The following ZNF335 variants were observed in gnomAD, a reference collection of about 807,000 sequenced individuals.
ZNF335 encodes the protein NRC-interacting factor 1.
In ZNF335, 84 loss-of-function variants were observed where a neutral mutation model predicts 145.6. The observed-to-expected ratio is 0.58, with a 90% CI of 0.48 to 0.69. The LOEUF (loss-of-function observed/expected upper bound fraction) is 0.69, where lower values mean the gene tolerates loss of function less well. ZNF335 is among the 30% of genes least tolerant of loss of function. The pLI, the probability that ZNF335 is intolerant of heterozygous loss-of-function variation, is 0.00. For missense variants in ZNF335, 1,865 were observed against 1,809.7 expected, an observed-to-expected ratio of 1.03 and a Z score of -0.55; for synonymous variants, 761 against 717.0, an observed-to-expected ratio of 1.06 and a Z score of -0.98.
At position 45,949,047 on chromosome 20, in the gene ZNF335, C is replaced by G; in HGVS notation, c.3935G>C (p.Gly1312Ala). The part of the protein sequence containing the change: ...VADAAMAQAQ[G>A]LFGTDETVPE... ...CACTGTCTCGTCTGTACCAAACAGG[C>G]CCTGGGCTTGGGCCATGGCAGCATC... Residue 1312 changes from glycine (G) to alanine (A), a missense_variant, in exon 28 of 28, where the codon GGC becomes GCC. Coordinates refer to ENST00000322927, the MANE Select transcript of ZNF335 (RefSeq NM_022095.4). 2 of 1,613,842 alleles carry G rather than the reference C, an allele frequency of 1.2e-6. No individual in the cohort carries two copies. Among genetic ancestry groups the G allele is most frequent in the Non-Finnish European group, 1.7e-6 (2 of 1,180,020 alleles).
intron 12 of ZNF335, 27 bp from the exon 13 acceptor site, chr20:45,960,552 G>A (rs1291941697): frequency 1.9e-6 from 3 of 1,614,020 alleles, no homozygotes; most frequent in Non-Finnish European, 2.5e-6. Context: ...GCAGTGAGAT[G>A]GCGATCACCC....
At chr20:45,968,458 GGTC>G in intron 3 of ZNF335, 96 bp from the exon 4 acceptor site, 14 of 1,136,060 alleles carry the variant, frequency 1.2e-5, no homozygotes, top group Non-Finnish European at 1.6e-5. Context: ...GAGCAGGGCT[GGTC>G]CACACTCATT....
At chr20:45,962,322 C>T (rs780984011) in intron 9 of ZNF335, 140 bp from the exon 10 acceptor site, 31 of 673,180 alleles carry the variant, frequency 4.6e-5, no homozygotes, top group African/African-American at 1.8e-4. Flanking sequence ...CACACCCCGA[C>T]GCAAGGGTCA....
rs770820151 is a variant in ZNF335 at position 45,971,301 on chromosome 20, G to A, written c.110C>T (p.Ala37Val). 5 of 1,591,716 alleles carry A rather than the reference G, an allele frequency of 3.1e-6. No homozygotes were observed. In the South Asian group the frequency reaches 5.6e-5, roughly 18 times the overall value. ...LGVGTSEAVS[A>V]DSSDAAAAPG... Reference sequence around the variant, plus strand: ...GGCGGCCGCGGCGTCGCTGCTGTCGGCGGACACGGCTTCTGAGGTGCCCAC... The same window carrying A: ...GGCGGCCGCGGCGTCGCTGCTGTCGACGGACACGGCTTCTGAGGTGCCCAC... The change falls in exon 2 of 28, where the codon GCC becomes GTC. Residue 37 changes from alanine to valine, a missense_variant. By Grantham distance (64) the Ala-to-Val change is moderately conservative. Coordinates refer to ENST00000322927, the MANE Select transcript of ZNF335 (RefSeq NM_022095.4).
chr20:45,950,448 C>T lies in ZNF335; in HGVS notation c.3332+5G>A. 1 of 1,614,210 alleles carries T rather than the reference C, an allele frequency of 6.2e-7. No individual in the cohort carries two copies. The highest frequency in any genetic ancestry group is 8.5e-7 in the Non-Finnish European group (1 of 1,180,024). On this transcript the variant is annotated splice_donor_5th_base_variant and intron_variant, in intron 21 of 27. Transcript: ENST00000322927. Reference sequence around the variant, plus strand: ...CAGTCCCCACCCACCAGTATCTGGCCTCACCGCTGCCCGCAGAGGTGGCAT... The same window carrying T: ...CAGTCCCCACCCACCAGTATCTGGCTTCACCGCTGCCCGCAGAGGTGGCAT...
chr20:45,962,492 A>G (rs1446026053), intron 9 of ZNF335, among the ~76,000 whole-genome samples: 1 of 152,206 alleles, frequency 6.6e-6, no homozygotes, highest in Non-Finnish European at 1.5e-5. Flanking sequence ...ATGGCGCCGC[A>G]GCCTCCACCT....
intron 10 of ZNF335, 40 bp downstream of exon 10, chr20:45,962,030 T>C: frequency 6.2e-6 from 4 of 643,946 alleles, no homozygotes; most frequent in Non-Finnish European, 1.2e-5. Flanking sequence ...CCACCCAACC[T>C]GGCCTCTCTT....
At position 45,963,746 on chromosome 20, in the gene ZNF335, T is replaced by C; in HGVS notation, c.1347A>G (p.Lys449=). 1 of 1,614,094 alleles carries C rather than the reference T, an allele frequency of 6.2e-7. No individual in the cohort carries two copies. Among genetic ancestry groups the C allele is most frequent in the Non-Finnish European group, 8.5e-7 (1 of 1,179,980 alleles). The change falls in exon 8 of 28, where the codon AAA becomes AAG. Residue 449 remains lysine (K), a synonymous_variant. Transcript: ENST00000322927. ...GRPSRRFLGK[K]YRKYYYKSPK... ...ACCTCTGCTCCACATACTTGCGGTA[T>C]TTCTTGCCTAGGAAGCGCCTGGAAG...
At position 45,950,420 on chromosome 20, in the gene ZNF335, C is replaced by G. The variant is rs765837695; in HGVS notation, c.3332+33G>C. On this transcript the variant is annotated intron_variant, in intron 21 of 27. Transcript: ENST00000322927. ...TCAGGTTAGCTCCACCATACATGCCCAGCAGTCCCCACCCACCAGTATCTG... is the reference window on the plus strand; with the variant it reads ...TCAGGTTAGCTCCACCATACATGCCGAGCAGTCCCCACCCACCAGTATCTG... The G allele has an allele frequency of 2.5e-6, 4 of 1,613,734 alleles. No individual in the cohort carries two copies. The South Asian group carries it at 3.3e-5, about 13-fold the overall frequency.
intron 1 of ZNF335, 65 bp from the exon 2 acceptor site, chr20:45,971,525 C>T (rs2084067511): frequency 6.7e-7 from 1 of 1,499,118 alleles, no homozygotes; most frequent in African/African-American, 1.4e-5. Flanking sequence ...CAACCACGGC[C>T]ACCCATTTGC....
chr20:45,971,127 A>C, intron 2 of ZNF335, 83 bp downstream of exon 2: 1 of 1,442,214 alleles, frequency 6.9e-7, no homozygotes, highest in Non-Finnish European at 9.1e-7. Flanking sequence ...ATTAGCTACA[A>C]ACAAGCCTTG....
intron 6 of ZNF335, among the ~76,000 whole-genome samples, chr20:45,966,326 C>T (rs1337493504): frequency 6.6e-6 from 1 of 151,936 alleles, no homozygotes; most frequent in African/African-American, 2.4e-5. Context: ...GATCCATCTG[C>T]CTCAGCCTCC....
chr20:45,963,711 C>G (rs371954776), intron 8 of ZNF335, 27 bp downstream of exon 8: 16 of 1,613,862 alleles, frequency 9.9e-6, no homozygotes, highest in Non-Finnish European at 1.4e-5. Flanking sequence ...CACATGCATG[C>G]CCCACCCTCA....
intron 14 of ZNF335, 74 bp from the exon 15 acceptor site, chr20:45,959,507 C>A (rs41305807): frequency 9.6e-6 from 11 of 1,149,758 alleles, no homozygotes; most frequent in South Asian, 2.2e-5. Context: ...CTTTCTTGAC[C>A]CTAAGGATCT....
At chr20:45,971,061 T>C in intron 2 of ZNF335, 149 bp downstream of exon 2, 6 of 1,303,354 alleles carry the variant, frequency 4.6e-6, no homozygotes, top group Admixed American at 2.9e-5. Context: ...AATGAGAAAA[T>C]CCATTTTAGG....
intron 10 of ZNF335, chr20:45,961,599 G>C (rs2083845220): frequency 6.6e-6 from 1 of 150,712 alleles, no homozygotes; most frequent in African/African-American, 2.5e-5. Context: ...TCCAACCTCT[G>C]CTCACACACC....
chr20:45,968,222 C>T, intron 4 of ZNF335, 63 bp downstream of exon 4: 2 of 1,566,000 alleles, frequency 1.3e-6, no homozygotes, highest in Middle Eastern at 3.4e-4. Context: ...CGCGGCAGAA[C>T]CTGTCCTCAC....
rs2083580410 is a variant in ZNF335 at position 45,949,188 on chromosome 20, C to T, written c.3883G>A (p.Ala1295Thr). ...LVTQAQLEAA[A>T]HSAVTAVADA... ...TCCATACCTGTGACAGCTGAGTGTG[C>T]TGCAGCCTCAAGTTGAGCCTGTGTG... Residue 1295 changes from alanine to threonine, a missense_variant, in exon 27 of 28, where the codon GCA becomes ACA. By Grantham distance (58) the Ala-to-Thr change is moderately conservative. Transcript: ENST00000322927. 1 of 1,613,658 alleles carries T rather than the reference C, an allele frequency of 6.2e-7. No homozygotes were observed. Among genetic ancestry groups the T allele is most frequent in the South Asian group, 1.1e-5 (1 of 91,066 alleles).
In ZNF335 at chr20:45,949,640, G is replaced by A. The variant is rs1283181298; in HGVS notation, c.3670-72C>T. On this transcript the variant is annotated intron_variant, in intron 24 of 27. Transcript: ENST00000322927. ...ACTCGCCAGGAGCTTAGCTAAGAAG[G>A]CAGAGTGGAAGACTAGGAACAGCCA... 6 of 1,501,062 alleles carry A rather than the reference G, an allele frequency of 4.0e-6. No homozygotes were observed. The Admixed American group carries it at 1.1e-4, about 28-fold the overall frequency. The allele number at this position is 1,501,062 out of a possible 1,614,324, so 93.0% of individuals were successfully genotyped here.
Sources: allele counts gnomAD v4.1 joint callset (sites outside exome capture counted in the v4.1 genomes callset), GRCh38; gene constraint gnomAD v4.1.1; transcripts MANE v1.5; gene names NCBI Gene and HGNC (gene_info 2026-07-23, HGNC 2026-07-21).